The following TXNRD2 variants were observed in gnomAD, a reference collection of about 807,000 sequenced individuals.
TXNRD2 encodes the protein thioredoxin reductase 2, also known as thioredoxin reductase 2, mitochondrial.
TXNRD2 carries 67 observed loss-of-function variants against 70.8 expected under a neutral mutation model. That is an observed-to-expected ratio of 0.95 (90% CI 0.78 to 1.16). The LOEUF (loss-of-function observed/expected upper bound fraction) is 1.16. TXNRD2 is among the 50% of genes most tolerant of loss of function. The pLI is 0.00. For missense variants in TXNRD2, 644 were observed against 719.9 expected (o/e 0.89, Z 1.21); for synonymous variants, 301 against 295.8 (o/e 1.02, Z -0.18).
chr22:19,909,794 C>T (rs1940282456), intron 8 of TXNRD2, among the ~76,000 whole-genome samples: 2 of 125,478 alleles, frequency 1.6e-5, no homozygotes, highest in African/African-American at 6.1e-5. Context: ...CACACACACA[C>T]CACTCACACA....
intron 5 of TXNRD2, among the ~76,000 whole-genome samples, chr22:19,917,376 G>A (rs1940685013): frequency 6.6e-6 from 1 of 152,194 alleles, no homozygotes; most frequent in African/African-American, 2.4e-5. Context: ...GGTCCAGGTG[G>A]AGGGCAAGCA....
Position 19,895,498 on chromosome 22 carries a change from C to G in TXNRD2, c.858G>C (p.Arg286Ser), listed in dbSNP as rs201503021. ...TGACCTGCAGCTGGCCATCAGGGAG[C>G]CTCCTGACCCGCGAGGGGGCACAGC... ...LRGCAPSRVRRLPDGQLQVTW... is the reference protein window; with the variant it reads ...LRGCAPSRVRSLPDGQLQVTW... Residue 286 changes from arginine to serine, a missense_variant, in exon 11 of 18, where the codon AGG (arginine) becomes AGC (serine). Arg to Ser is a moderately radical substitution (Grantham distance 110, BLOSUM62 -1). Coordinates refer to ENST00000400521, the MANE Select transcript of TXNRD2 (RefSeq NM_006440.5). 1,671 of 1,613,794 alleles carry G rather than the reference C, an allele frequency of 1.0e-3. No individual in the cohort carries two copies. Among genetic ancestry groups the G allele is most frequent in the Non-Finnish European group, 1.3e-3 (1,483 of 1,180,040 alleles).
intron 2 of TXNRD2, among the ~76,000 whole-genome samples, chr22:19,927,923 T>C (rs1941213557): frequency 6.6e-6 from 1 of 151,904 alleles, no homozygotes; most frequent in Non-Finnish European, 1.5e-5. Flanking sequence ...ATTCTAAAAA[T>C]ATGAAACACT....
chr22:19,919,041 A>G, intron 3 of TXNRD2, 37 bp from the exon 4 acceptor site: 2 of 1,597,104 alleles, frequency 1.3e-6, no homozygotes, highest in South Asian at 1.1e-5. Context: ...ATTTATGTTC[A>G]GGTGACTGCT....
chr22:19,940,219 T>C (rs1337159083), intron 1 of TXNRD2, among the ~76,000 whole-genome samples: 3 of 116,186 alleles, frequency 2.6e-5, no homozygotes, highest in Non-Finnish European at 4.8e-5. Flanking sequence ...TACTCCAGCT[T>C]GGGCGACAGA....
Position 19,898,075 on chromosome 22 carries a change from G to T in TXNRD2, c.738C>A (p.Ile246=). The change falls in exon 10 of 18, where the codon ATC becomes ATA. Residue 246 remains isoleucine (I), a synonymous_variant. Coordinates refer to ENST00000400521, the MANE Select transcript of TXNRD2 (RefSeq NM_006440.5). The stretch of plus-strand genomic sequence containing the variant: ...CGCGGAGGGGGATGCTGCGCATCAT[G>T]ATGGTGGTGTCCAGCCCAATCCCGG... ...FLTGIGLDTT[I]MMRSIPLRGF... 6.4e-7 allele frequency: 1 copy of T among 1,565,534 alleles called. No homozygotes were observed.
intron 8 of TXNRD2, among the ~76,000 whole-genome samples, chr22:19,907,925 A>G (rs10222210): frequency 0.52 from 13,427 of 25,996 alleles, 4,170 homozygotes; most frequent in East Asian, 0.88. Context: ...GAGTGTGGGC[A>G]CACCATGGGT....
At chr22:19,913,176 C>G (rs1601444244) in intron 7 of TXNRD2, among the ~76,000 whole-genome samples, 1 of 152,308 alleles carries the variant, frequency 6.6e-6, no homozygotes, top group African/African-American at 2.4e-5. Context: ...CAAGACTGGG[C>G]CAGGAGTTAT....
chr22:19,899,173 C>T lies in TXNRD2; in HGVS notation c.663-105G>A, dbSNP rs73877391. The T allele has an allele frequency of 2.8e-5, 41 of 1,456,184 alleles. No individual in the cohort carries two copies. In the African/African-American group the frequency reaches 5.3e-4, roughly 19 times the overall value. The allele number at this position is 1,456,184 out of a possible 1,614,324, so 90.2% of individuals were successfully genotyped here. On this transcript the variant is annotated intron_variant, in intron 8 of 17. Coordinates refer to ENST00000400521, the MANE Select transcript of TXNRD2 (RefSeq NM_006440.5). ...CCTTTGCCCAGGCCCTTGGTCAGCT[C>T]GTGGGCTCCAAGGTTACTGTTCAAA...
chr22:19,878,015 C>A, intron 16 of TXNRD2, 75 bp downstream of exon 16: 1 of 1,245,640 alleles, frequency 8.0e-7, no homozygotes, highest in Non-Finnish European at 1.2e-6. Context: ...CAGCAGCTCT[C>A]CACTGTAGGA....
At chr22:19,905,137 C>T (rs571169159) in intron 8 of TXNRD2, among the ~76,000 whole-genome samples, 1 of 152,256 alleles carries the variant, frequency 6.6e-6, no homozygotes, top group South Asian at 2.1e-4. Flanking sequence ...CTTGCATTAA[C>T]AGCGCCGGAC....
At chr22:19,905,556 CACA>C (rs1423868430) in intron 8 of TXNRD2, among the ~76,000 whole-genome samples, 2 of 152,174 alleles carry the variant, frequency 1.3e-5, no homozygotes, top group Non-Finnish European at 1.5e-5. Flanking sequence ...GGGGAACAGG[CACA>C]ACGAGGGTGG....
chr22:19,877,072 C>CTAATA lies in TXNRD2; in HGVS notation c.*32_*33insTATTA. On this transcript the variant is annotated 3_prime_UTR_variant, in exon 17 of 18. Transcript: ENST00000400521. The stretch of plus-strand genomic sequence containing the variant: ...TGGCCTCCGAGGAGCTGGCGGCGGG[C>CTAATA]GCACCGTGTGCCCTGGCCTGCAGGG... The CTAATA allele has an allele frequency of 6.3e-7, 1 of 1,575,158 alleles. No individual in the cohort carries two copies. Among genetic ancestry groups the CTAATA allele is most frequent in the Non-Finnish European group, 8.7e-7 (1 of 1,151,344 alleles).
chr22:19,910,125 T>C (rs1940340732), intron 8 of TXNRD2, among the ~76,000 whole-genome samples: 1 of 152,174 alleles, frequency 6.6e-6, no homozygotes, highest in Non-Finnish European at 1.5e-5. Flanking sequence ...CCTCTGGTGG[T>C]CTCTCTGCTC....
intron 8 of TXNRD2, chr22:19,911,028 T>C (rs1396494036): frequency 5.6e-6 from 2 of 359,308 alleles, no homozygotes; most frequent in Non-Finnish European, 5.4e-6. Context: ...TGAGCCAAGA[T>C]TGGGCCATTG....
At chr22:19,898,166 A>T (rs1939602578) in intron 9 of TXNRD2, 36 bp from the exon 10 acceptor site, 1 of 1,538,834 alleles carries the variant, frequency 6.5e-7, no homozygotes, top group Non-Finnish European at 8.8e-7. Flanking sequence ...TGTAGATCCC[A>T]ATTTTGGAAA....
intron 8 of TXNRD2, among the ~76,000 whole-genome samples, chr22:19,909,614 C>CA (rs1208845083): frequency 1.0e-5 from 1 of 97,440 alleles, no homozygotes. Flanking sequence ...CACACACACA[C>CA]CACACACACC....
At chr22:19,879,294 C>T (rs1601381677) in intron 14 of TXNRD2, among the ~76,000 whole-genome samples, 1 of 152,202 alleles carries the variant, frequency 6.6e-6, no homozygotes, top group South Asian at 2.1e-4. Context: ...CCCCACCGCC[C>T]AGGCTGCAGG....
At chr22:19,935,154 T>C (rs1941496661) in intron 1 of TXNRD2, among the ~76,000 whole-genome samples, 1 of 152,150 alleles carries the variant, frequency 6.6e-6, no homozygotes, top group African/African-American at 2.4e-5. Flanking sequence ...GACGTGCAAG[T>C]AGGAGAGATA....
Sources: gnomAD v4.1 joint callset for allele counts (sites outside exome capture counted in the v4.1 genomes callset) on GRCh38, gnomAD v4.1.1 for gene constraint, MANE v1.5 for transcripts, NCBI Gene and HGNC (gene_info 2026-07-23, HGNC 2026-07-21) for gene names.